Variants in ATG4C observed in about 807,000 individuals in gnomAD.
ATG4C encodes the protein autophagy related 4C cysteine peptidase.
ATG4C carries 56 observed loss-of-function variants against 57.6 expected under a neutral mutation model. The ratio of observed to expected loss-of-function variants is 0.97; its 90% CI spans 0.78 to 1.21. ATG4C has a LOEUF of 1.21. Among genes scored for constraint, ATG4C ranks in the 50% most tolerant of loss-of-function variants. The probability of loss-of-function intolerance (pLI) is 0.00; values close to 1 mark genes in which losing one functional copy is unlikely to be tolerated. For synonymous variants in ATG4C, 157 were observed against 174.1 expected (o/e 0.90, Z 0.78); for missense variants, 595 against 529.8 (o/e 1.12, Z -1.21).
At chr1:62,830,208 G>A (rs1268024413) in intron 7 of ATG4C, among the ~76,000 whole-genome samples, 1 of 152,040 alleles carries the variant, frequency 6.6e-6, no homozygotes, top group Non-Finnish European at 1.5e-5. Context: ...ATATATCAAT[G>A]ACATATTAAT....
At chr1:62,793,047 C>T (rs966698740) in intron 1 of ATG4C, among the ~76,000 whole-genome samples, 3 of 151,688 alleles carry the variant, frequency 2.0e-5, no homozygotes, top group East Asian at 2.0e-4. Flanking sequence ...CCACCACGCC[C>T]GGCTAATTTT....
At chr1:62,821,254 C>A (rs371292038) in intron 6 of ATG4C, 45 bp downstream of exon 6, 10 of 1,321,298 alleles carry the variant, frequency 7.6e-6, no homozygotes, top group African/African-American at 6.0e-5. Flanking sequence ...TTTGGTCATA[C>A]TTTTTATATG....
At chr1:62,839,831 T>G (rs1666112136) in intron 9 of ATG4C, among the ~76,000 whole-genome samples, 1 of 152,202 alleles carries the variant, frequency 6.6e-6, no homozygotes, top group African/African-American at 2.4e-5. Context: ...GTCATAGTTT[T>G]GAAAACTCAT....
chr1:62,863,908 A>C, intron 10 of ATG4C, 84 bp from the exon 11 acceptor site: 1 of 968,040 alleles, frequency 1.0e-6, no homozygotes, highest in Non-Finnish European at 1.5e-6. Context: ...GGAGAGGTTC[A>C]GGGCTAAAAC....
At chr1:62,813,122 CT>C (rs1330976153) in intron 3 of ATG4C, among the ~76,000 whole-genome samples, 1 of 152,154 alleles carries the variant, frequency 6.6e-6, no homozygotes, top group Non-Finnish European at 1.5e-5. Context: ...AAAAAACTAC[CT>C]TAAAGTTCAT....
chr1:62,830,658 T>G (rs1157648104), intron 7 of ATG4C, among the ~76,000 whole-genome samples: 1 of 152,054 alleles, frequency 6.6e-6, no homozygotes, highest in Non-Finnish European at 1.5e-5. Flanking sequence ...AGAAGGAAAT[T>G]TGATGTGTGT....
rs191641891 is a variant in ATG4C at position 62,864,170 on chromosome 1, A to G, written c.*11A>G. The stretch of plus-strand genomic sequence containing the variant: ...TTTGTCTTGCTTTAAAGATTAGCAC[A>G]TTTGTGCTTGATAAGAAGAATTCCA... On this transcript the variant is annotated 3_prime_UTR_variant, in exon 11 of 11. Transcript: ENST00000317868. 5.1e-6 allele frequency: 8 copies of G among 1,582,422 alleles called. No individual in the cohort carries two copies. In the East Asian group the frequency reaches 1.6e-4, roughly 32 times the overall value.
chr1:62,857,256 C>T (rs570421383), intron 10 of ATG4C, among the ~76,000 whole-genome samples: 73 of 152,166 alleles, frequency 4.8e-4, no homozygotes, highest in Non-Finnish European at 7.6e-4. Context: ...CGCATTACCA[C>T]CTGAGCTCTG....
intron 10 of ATG4C, among the ~76,000 whole-genome samples, chr1:62,850,697 T>C (rs1287992771): frequency 6.6e-6 from 1 of 151,830 alleles, no homozygotes; most frequent in Non-Finnish European, 1.5e-5. Flanking sequence ...TTCTTTCAGA[T>C]CTTTACTCAA....
intron 1 of ATG4C, among the ~76,000 whole-genome samples, chr1:62,793,189 A>AT (rs1664342526): frequency 6.6e-6 from 1 of 151,822 alleles, no homozygotes; most frequent in African/African-American, 2.4e-5. Flanking sequence ...CCCGGCCATG[A>AT]TTTTTTAAAT....
At chr1:62,843,604 G>C (rs1666236816) in intron 10 of ATG4C, among the ~76,000 whole-genome samples, 1 of 152,094 alleles carries the variant, frequency 6.6e-6, no homozygotes, top group African/African-American at 2.4e-5. Flanking sequence ...GTAGTCTAGA[G>C]TCTCATGTTT....
At chr1:62,801,984 A>G (rs931029879) in intron 1 of ATG4C, among the ~76,000 whole-genome samples, 2 of 130,714 alleles carry the variant, frequency 1.5e-5, no homozygotes, top group Non-Finnish European at 3.3e-5. Flanking sequence ...AAAAAAAAAA[A>G]AGAAAAAAAG....
Position 62,829,106 on chromosome 1 carries a change from C to G in ATG4C, c.863C>G (p.Ala288Gly), listed in dbSNP as rs1443735618. 6.2e-7 allele frequency: 1 copy of G among 1,612,834 alleles called. No homozygotes were observed. The highest frequency in any genetic ancestry group is 1.3e-5 in the African/African-American group (1 of 74,960). ...SMTSDNADDK[A>G]VIILVPVRLG... ...ACTTCTGATAATGCAGATGACAAAGCTGTTATTATTCTAGTTCCTGTTAGA... is the reference window on the plus strand; with the variant it reads ...ACTTCTGATAATGCAGATGACAAAGGTGTTATTATTCTAGTTCCTGTTAGA... The change falls in exon 7 of 11, where the codon GCT (alanine) becomes GGT (glycine). Residue 288 changes from alanine to glycine, a missense_variant. Coordinates refer to ENST00000317868, the MANE Select transcript of ATG4C (RefSeq NM_032852.4).
intron 10 of ATG4C, among the ~76,000 whole-genome samples, chr1:62,856,674 T>C (rs535717254): frequency 1.3e-5 from 2 of 152,164 alleles, no homozygotes; most frequent in East Asian, 3.9e-4. Flanking sequence ...ACTAGACAAA[T>C]GTATAGGACT....
intron 9 of ATG4C, among the ~76,000 whole-genome samples, chr1:62,840,270 C>T (rs1451747566): frequency 6.6e-6 from 1 of 152,130 alleles, no homozygotes; most frequent in Non-Finnish European, 1.5e-5. Flanking sequence ...GTCCTCCTGC[C>T]TCAGGCTCCT....
intron 1 of ATG4C, among the ~76,000 whole-genome samples, chr1:62,793,248 C>G (rs1412525159): frequency 6.6e-6 from 1 of 151,952 alleles, no homozygotes; most frequent in Non-Finnish European, 1.5e-5. Flanking sequence ...CACCCAAGTA[C>G]TATTGATTAG....
intron 10 of ATG4C, among the ~76,000 whole-genome samples, chr1:62,852,750 AT>A (rs11330137): frequency 0.46 from 65,933 of 144,548 alleles, 14,580 homozygotes; most frequent in East Asian, 0.66. Context: ...GTTTTTACCT[AT>A]TTTTTTTTTT....
At chr1:62,814,319 A>G (rs529338402) in intron 3 of ATG4C, among the ~76,000 whole-genome samples, 1 of 152,198 alleles carries the variant, frequency 6.6e-6, no homozygotes, top group Non-Finnish European at 1.5e-5. Flanking sequence ...GCTGGAAACC[A>G]TCCTTCTCAG....
intron 7 of ATG4C, among the ~76,000 whole-genome samples, chr1:62,832,520 A>G (rs1396096347): frequency 6.6e-6 from 1 of 152,162 alleles, no homozygotes; most frequent in Non-Finnish European, 1.5e-5. Context: ...GAGAGAAACC[A>G]TTCCTGCAAG....
Sources: allele counts gnomAD v4.1 joint callset (sites outside exome capture counted in the v4.1 genomes callset), GRCh38; gene constraint gnomAD v4.1.1; transcripts MANE v1.5; gene names NCBI Gene and HGNC (gene_info 2026-07-23, HGNC 2026-07-21).